The following SEPTIN9 variants were observed in gnomAD, a reference collection of about 807,000 sequenced individuals.
SEPTIN9 encodes the protein septin 9.
In SEPTIN9, 13 loss-of-function variants were observed where a neutral mutation model predicts 56.6. That is an observed-to-expected ratio of 0.23 (90% CI 0.15 to 0.37). The LOEUF is 0.37. SEPTIN9 is among the 10% of genes least tolerant of loss of function. The probability of loss-of-function intolerance (pLI) is 1.00; values close to 1 mark genes in which losing one functional copy is unlikely to be tolerated. For missense variants in SEPTIN9, 650 were observed against 823.1 expected (o/e 0.79, Z 2.57); for synonymous variants, 332 against 334.1 (o/e 0.99, Z 0.07).
chr17:77,321,398 C>CT (rs770723911), intron 2 of SEPTIN9, among the ~76,000 whole-genome samples: 247 of 141,872 alleles, frequency 1.7e-3, no homozygotes, highest in Non-Finnish European at 1.8e-3. Context: ...AGGGCCACAT[C>CT]TTTTTTTTTT....
intron 3 of SEPTIN9, among the ~76,000 whole-genome samples, chr17:77,457,165 C>T (rs536193681): frequency 2.6e-5 from 4 of 152,308 alleles, no homozygotes; most frequent in East Asian, 1.9e-4. Flanking sequence ...GCACAGGGCC[C>T]GGCACAGATG....
intron 3 of SEPTIN9, among the ~76,000 whole-genome samples, chr17:77,419,181 G>A (rs2036607856): frequency 1.3e-5 from 2 of 152,236 alleles, no homozygotes; most frequent in South Asian, 4.1e-4. Context: ...CTGTTTGAAC[G>A]GAGGTGGTCT....
At chr17:77,439,608 T>C in intron 3 of SEPTIN9, among the ~76,000 whole-genome samples, 1 of 151,736 alleles carries the variant, frequency 6.6e-6, no homozygotes, top group Admixed American at 6.5e-5. Context: ...CTGAGCTGAG[T>C]GGGGATCAGG....
intron 2 of SEPTIN9, among the ~76,000 whole-genome samples, chr17:77,398,786 G>A (rs406061): frequency 0.25 from 37,336 of 152,114 alleles, 5,718 homozygotes; most frequent in East Asian, 0.81. Context: ...GAGCAGCGCC[G>A]TCCTGATGGT....
At chr17:77,472,933 T>C (rs1348946838) in intron 3 of SEPTIN9, among the ~76,000 whole-genome samples, 2 of 152,358 alleles carry the variant, frequency 1.3e-5, no homozygotes, top group East Asian at 1.9e-4. Context: ...TGTTTCCATC[T>C]TTAGAAGAGA....
At chr17:77,283,320 C>T (rs2143473530) in intron 1 of SEPTIN9, among the ~76,000 whole-genome samples, 1 of 152,188 alleles carries the variant, frequency 6.6e-6, no homozygotes, top group Admixed American at 6.5e-5. Flanking sequence ...GAAGGGAGGG[C>T]TCAGACCATT....
chr17:77,291,121 C>A (rs1056828652), intron 1 of SEPTIN9, among the ~76,000 whole-genome samples: 1 of 149,322 alleles, frequency 6.7e-6, no homozygotes, highest in Non-Finnish European at 1.5e-5. Context: ...CTGCAACCCC[C>A]GGCTCCTGGA....
intron 3 of SEPTIN9, among the ~76,000 whole-genome samples, chr17:77,428,402 AC>A (rs1243742539): frequency 6.6e-6 from 1 of 152,222 alleles, no homozygotes; most frequent in East Asian, 1.9e-4. Flanking sequence ...TGGACACTGT[AC>A]CTACTGGCAG....
Position 77,450,136 on chromosome 17 carries a change from C to T in SEPTIN9, c.722-32008C>T, listed in dbSNP as rs762708529. On this transcript the variant is annotated intron_variant, in intron 3 of 11. Transcript: ENST00000427177. This position sits in a 1 kb window ranked among gnomAD's most constrained non-coding sequence, Gnocchi z 6.0. Reference sequence around the variant, plus strand: ...GTGAGGGTGGGGAGGGCCGTGGGACCAGGAGGCCTTAGGGGGAAAGTTGGC... The same window carrying T: ...GTGAGGGTGGGGAGGGCCGTGGGACTAGGAGGCCTTAGGGGGAAAGTTGGC... Among the ~76,000 whole-genome samples, 1 of 152,174 alleles carries T rather than the reference C, an allele frequency of 6.6e-6. No individual in the cohort carries two copies. Among genetic ancestry groups the T allele is most frequent in the Non-Finnish European group, 1.5e-5 (1 of 68,038 alleles).
intron 3 of SEPTIN9, among the ~76,000 whole-genome samples, chr17:77,463,348 T>C (rs1351797149): frequency 6.6e-6 from 1 of 152,186 alleles, no homozygotes; most frequent in Non-Finnish European, 1.5e-5. Context: ...GGCTCCTGAT[T>C]GCACCCTTTT....
At chr17:77,481,744 T>A (rs1454208960) in intron 3 of SEPTIN9, among the ~76,000 whole-genome samples, 2 of 152,134 alleles carry the variant, frequency 1.3e-5, no homozygotes. Flanking sequence ...CCCGAGGCAG[T>A]GTGGAGGGCC....
At chr17:77,401,445 G>A (rs16970039) in intron 2 of SEPTIN9, among the ~76,000 whole-genome samples, 2,338 of 152,188 alleles carry the variant, frequency 0.015, 48 homozygotes, top group South Asian at 0.075. Flanking sequence ...AAAAACAGCC[G>A]CGACAAGAAG....
intron 2 of SEPTIN9, among the ~76,000 whole-genome samples, chr17:77,359,155 G>A (rs2034342241): frequency 6.6e-6 from 1 of 152,198 alleles, no homozygotes; most frequent in Non-Finnish European, 1.5e-5. Context: ...CCAGAACCCA[G>A]TTGTATGGCC....
intron 2 of SEPTIN9, among the ~76,000 whole-genome samples, chr17:77,316,420 A>T (rs2032709255): frequency 6.6e-6 from 1 of 152,174 alleles, no homozygotes; most frequent in Admixed American, 6.5e-5. Flanking sequence ...CACGGAGGGG[A>T]GATGGACCTC....
chr17:77,458,111 G>C lies in SEPTIN9; in HGVS notation c.722-24033G>C, dbSNP rs971287424. ...CTGAGGGCTGTAACCTCTTCCCCTGGTATTTTCCTGCTCGCCAGGAATGTT... is the reference window on the plus strand; with the variant it reads ...CTGAGGGCTGTAACCTCTTCCCCTGCTATTTTCCTGCTCGCCAGGAATGTT... On this transcript the variant is annotated intron_variant, in intron 3 of 11. Coordinates refer to ENST00000427177, the MANE Select transcript of SEPTIN9 (RefSeq NM_001113491.2). 3.9e-5 allele frequency among the ~76,000 whole-genome samples: 6 copies of C among 152,256 alleles called. No homozygotes were observed. The East Asian group carries it at 1.2e-3, about 29-fold the overall frequency.
At position 77,492,707 on chromosome 17, in the gene SEPTIN9, G is replaced by C. The variant is rs1389721469; in HGVS notation, c.1467G>C (p.Glu489Asp). The C allele has an allele frequency of 1.2e-6, 2 of 1,613,842 alleles. No individual in the cohort carries two copies. Among genetic ancestry groups the C allele is most frequent in the Non-Finnish European group, 1.7e-6 (2 of 1,179,920 alleles). The part of the protein sequence containing the change: ...DEDSEDRLVN[E>D]KFREMIPFAV... ...ACTCGGAGGACCGGCTGGTGAACGA[G>C]AAGTTCCGGGTGAGTGGATCCACTA... Residue 489 changes from glutamate (E) to aspartate (D), a missense_variant, in exon 9 of 12, where the codon GAG becomes GAC. Physicochemically the swap from Glu to Asp is conservative, Grantham distance 45. Transcript: ENST00000427177. This position sits in a 1 kb window ranked among gnomAD's most constrained non-coding sequence, Gnocchi z 5.4.
At chr17:77,497,390 G>A (rs761185807) in intron 11 of SEPTIN9, 24 bp downstream of exon 11, 2 of 1,609,114 alleles carry the variant, frequency 1.2e-6, no homozygotes, top group Admixed American at 3.3e-5. Flanking sequence ...TGCTTGGGTG[G>A]GGCTGACGGC....
intron 1 of SEPTIN9, among the ~76,000 whole-genome samples, chr17:77,298,501 G>A (rs2031909553): frequency 6.6e-6 from 1 of 152,222 alleles, no homozygotes; most frequent in African/African-American, 2.4e-5. Flanking sequence ...CTGCTGCAGG[G>A]AGCTCAGCTG....
At chr17:77,481,885 A>G in intron 3 of SEPTIN9, 1 of 549,942 alleles carries the variant, frequency 1.8e-6, no homozygotes, top group Non-Finnish European at 3.2e-6. Flanking sequence ...AGGAGATGAA[A>G]AAGCCTGGCC....
Sources: allele counts gnomAD v4.1 joint callset (sites outside exome capture counted in the v4.1 genomes callset), GRCh38; gene constraint gnomAD v4.1.1; non-coding constraint Gnocchi (gnomAD v3.1); transcripts MANE v1.5; gene names NCBI Gene and HGNC (gene_info 2026-07-23, HGNC 2026-07-21).